Variants in WDPCP observed in about 807,000 individuals in gnomAD.
WDPCP encodes the protein WD repeat containing planar cell polarity effector.
A neutral mutation model predicts 93.1 loss-of-function variants in WDPCP; 71 were observed. The ratio of observed to expected loss-of-function variants is 0.76; its 90% CI spans 0.63 to 0.93. The LOEUF (loss-of-function observed/expected upper bound fraction) is 0.93. WDPCP is among the 40% of genes least tolerant of loss of function. WDPCP has a pLI of 0.00. For synonymous variants in WDPCP, 315 were observed against 315.0 expected (o/e 1.00, Z 0.00); for missense variants, 844 against 887.4 (o/e 0.95, Z 0.62).
rs1276531591 is a variant in WDPCP, at chr2:63,152,933, C to G, written c.2171G>C (p.Arg724Thr). 1 of 1,612,692 alleles carries G rather than the reference C, an allele frequency of 6.2e-7. No homozygotes were observed. The highest frequency in any genetic ancestry group is 8.5e-7 in the Non-Finnish European group (1 of 1,178,978). Residue 724 changes from arginine (R) to threonine (T), a missense_variant, in exon 17 of 18, where the codon AGA becomes ACA. Physicochemically the swap from Arg to Thr is moderately conservative, Grantham distance 71 (BLOSUM62 -1). Coordinates refer to ENST00000272321, the MANE Select transcript of WDPCP (RefSeq NM_015910.7). ...NTCNAEDGELREDGREQEIRD... is the reference protein window; with the variant it reads ...NTCNAEDGELTEDGREQEIRD... ...TTTTACCTGTTCTCTGCCGTCTTCT[C>G]TCAGTTCTCCGTCTAAAGTAAAAGA...
intron 12 of WDPCP, among the ~76,000 whole-genome samples, chr2:63,314,247 G>A (rs1040960515): frequency 4.0e-5 from 6 of 151,538 alleles, no homozygotes; most frequent in East Asian, 2.0e-4. Context: ...TGCAATCATC[G>A]CCTTGACCTC....
At chr2:63,246,993 T>G (rs1016623903) in intron 14 of WDPCP, among the ~76,000 whole-genome samples, 1 of 152,184 alleles carries the variant, frequency 6.6e-6, no homozygotes, top group African/African-American at 2.4e-5. Flanking sequence ...ATGGGCTTAT[T>G]GAAAGACTAG....
chr2:63,169,705 TTC>T (rs1184203048), intron 15 of WDPCP, among the ~76,000 whole-genome samples: 6 of 152,140 alleles, frequency 3.9e-5, no homozygotes, highest in African/African-American at 1.4e-4. Context: ...ACGCTGTTGC[TTC>T]TCTGTCTTAT....
intron 2 of WDPCP, among the ~76,000 whole-genome samples, chr2:63,687,973 C>A (rs1174470565): frequency 6.6e-6 from 1 of 152,088 alleles, no homozygotes; most frequent in Non-Finnish European, 1.5e-5. Context: ...AAAGAAAATG[C>A]GGTACTTACA....
chr2:63,403,004 A>G (rs1346568571), intron 10 of WDPCP, among the ~76,000 whole-genome samples: 1 of 152,240 alleles, frequency 6.6e-6, no homozygotes, highest in Non-Finnish European at 1.5e-5. Context: ...CACCATTCAC[A>G]ATAGTAGAGA....
chr2:63,481,363 T>C (rs1700255783), intron 6 of WDPCP, among the ~76,000 whole-genome samples: 1 of 152,016 alleles, frequency 6.6e-6, no homozygotes, highest in Non-Finnish European at 1.5e-5. Flanking sequence ...AGTGGAACTA[T>C]CATTTGATCC....
intron 11 of WDPCP, among the ~76,000 whole-genome samples, chr2:63,379,563 C>A (rs747218432): frequency 1.3e-5 from 2 of 152,114 alleles, no homozygotes; most frequent in Non-Finnish European, 2.9e-5. Flanking sequence ...AAGCCAGATT[C>A]TCTTGCCATT....
intron 12 of WDPCP, among the ~76,000 whole-genome samples, chr2:63,352,759 T>C (rs987499628): frequency 6.6e-6 from 1 of 152,184 alleles, no homozygotes; most frequent in Non-Finnish European, 1.5e-5. Flanking sequence ...CCATTAAGGC[T>C]AGGAACATAC....
intron 14 of WDPCP, among the ~76,000 whole-genome samples, chr2:63,183,202 G>A (rs759045003): frequency 6.6e-6 from 1 of 151,502 alleles, no homozygotes; most frequent in Non-Finnish European, 1.5e-5. Context: ...TTTTTTTCTA[G>A]TTCCTTGAGG....
intron 1 of WDPCP, among the ~76,000 whole-genome samples, chr2:63,520,380 G>A (rs1007846254): frequency 1.3e-4 from 20 of 152,054 alleles, no homozygotes; most frequent in Non-Finnish European, 2.9e-4. Flanking sequence ...TTCAGAAAAT[G>A]CACAGAACTC....
chr2:63,613,411 T>C (rs889241675), intron 3 of WDPCP, among the ~76,000 whole-genome samples: 1 of 152,214 alleles, frequency 6.6e-6, no homozygotes, highest in African/African-American at 2.4e-5. Context: ...TCAGGGAAAC[T>C]TCTGTTCTTA....
At chr2:63,463,944 T>C (rs143501255) in intron 6 of WDPCP, among the ~76,000 whole-genome samples, 1,690 of 152,236 alleles carry the variant, frequency 0.011, 20 homozygotes, top group Middle Eastern at 0.027. Context: ...AAAAGCTTTA[T>C]GACATTGGGG....
upstream of WDPCP, chr2:63,593,275 G>A (rs1304449838): frequency 1.5e-5 from 3 of 200,824 alleles, no homozygotes; most frequent in Admixed American, 5.1e-5. Flanking sequence ...TGTATTTTTA[G>A]TAGAGACGGG....
intron 3 of WDPCP, among the ~76,000 whole-genome samples, chr2:63,641,224 G>T (rs1338429607): frequency 6.6e-6 from 1 of 152,050 alleles, no homozygotes; most frequent in Non-Finnish European, 1.5e-5. Context: ...ATCTGTTGAG[G>T]GACACTCGGG....
intron 12 of WDPCP, among the ~76,000 whole-genome samples, chr2:63,316,838 GC>G (rs1465117738): frequency 6.6e-6 from 1 of 152,036 alleles, no homozygotes; most frequent in Non-Finnish European, 1.5e-5. Context: ...CTGATACACA[GC>G]TTTGGCAAAG....
intron 1 of WDPCP, among the ~76,000 whole-genome samples, chr2:63,822,704 A>G (rs946549237): frequency 1.3e-5 from 2 of 151,972 alleles, no homozygotes; most frequent in Non-Finnish European, 2.9e-5. Flanking sequence ...TGGGCAACAT[A>G]GCAAGACCCT....
At chr2:63,441,129 G>C (rs1697474062) in intron 6 of WDPCP, 2 of 152,112 alleles carry the variant, frequency 1.3e-5, no homozygotes, top group Admixed American at 1.3e-4. Flanking sequence ...CCTCTACAGG[G>C]GCAGAGAGTT....
intron 14 of WDPCP, among the ~76,000 whole-genome samples, chr2:63,213,660 C>T (rs1677043497): frequency 6.6e-6 from 1 of 152,002 alleles, no homozygotes; most frequent in Non-Finnish European, 1.5e-5. Flanking sequence ...CCAAAAAACC[C>T]TTCAAAAAAT....
chr2:63,767,402 T>C (rs1670157327), intron 2 of WDPCP, among the ~76,000 whole-genome samples: 1 of 152,180 alleles, frequency 6.6e-6, no homozygotes, highest in African/African-American at 2.4e-5. Flanking sequence ...ATGGCTTAAC[T>C]TTTTAAAAAG....
Sources: gnomAD v4.1 joint callset for allele counts (sites outside exome capture counted in the v4.1 genomes callset) on GRCh38, gnomAD v4.1.1 for gene constraint, MANE v1.5 for transcripts, NCBI Gene and HGNC (gene_info 2026-07-23, HGNC 2026-07-21) for gene names.